The following RAB7A variants were observed in gnomAD, a reference collection of about 807,000 sequenced individuals.
The protein encoded by RAB7A is RAB7A, member RAS oncogene family, also known as ras-related protein Rab-7a.
In RAB7A, 2 loss-of-function variants were observed where a neutral mutation model predicts 24.5. That is an observed-to-expected ratio of 0.08 (90% confidence interval 0.03 to 0.26). The LOEUF is 0.26. Among genes scored for constraint, RAB7A ranks in the 10% least tolerant of loss-of-function variants. RAB7A has a pLI of 1.00. For missense variants in RAB7A, 118 were observed against 255.7 expected (o/e 0.46, Z 3.67); for synonymous variants, 100 against 95.9 (o/e 1.04, Z -0.25).
chr3:128,777,900 G>C (rs781538983), intron 1 of RAB7A, among the ~76,000 whole-genome samples: 6 of 152,152 alleles, frequency 3.9e-5, no homozygotes, highest in Non-Finnish European at 8.8e-5. Flanking sequence ...TTTTAGTAGA[G>C]ACAGGGTTTC....
intron 2 of RAB7A, among the ~76,000 whole-genome samples, chr3:128,796,967 G>A (rs2107611718): frequency 6.6e-6 from 1 of 152,246 alleles, no homozygotes; most frequent in East Asian, 1.9e-4. Context: ...CCCAGCCTTT[G>A]AAGAACCTTT....
chr3:128,804,862 TA>T (rs1559797047), intron 3 of RAB7A, among the ~76,000 whole-genome samples: 1 of 152,206 alleles, frequency 6.6e-6, no homozygotes, highest in African/African-American at 2.4e-5. Context: ...TTCTTAAAAA[TA>T]GGAATCGATG....
intron 1 of RAB7A, among the ~76,000 whole-genome samples, chr3:128,759,654 G>A (rs909775344): frequency 6.6e-6 from 1 of 152,024 alleles, no homozygotes; most frequent in Non-Finnish European, 1.5e-5. Context: ...ACACCCCATG[G>A]TACCTGAACC....
At chr3:128,788,722 C>CTGT (rs1933393045) in intron 1 of RAB7A, among the ~76,000 whole-genome samples, 1 of 152,196 alleles carries the variant, frequency 6.6e-6, no homozygotes, top group African/African-American at 2.4e-5. Context: ...CCCTTCCCTG[C>CTGT]TGTCCTCATT....
At chr3:128,809,113 C>T (rs749044988) in intron 5 of RAB7A, among the ~76,000 whole-genome samples, 6 of 152,208 alleles carry the variant, frequency 3.9e-5, no homozygotes, top group Admixed American at 6.5e-5. Context: ...GTGTTTCCCA[C>T]CTGTTCCCTG....
Position 128,795,355 on chromosome 3 carries a change from T to A in RAB7A, c.-8-5T>A, listed in dbSNP as rs1489604428. The A allele has an allele frequency of 6.2e-7, 1 of 1,610,210 alleles. No homozygotes were observed. The highest frequency in any genetic ancestry group is 1.3e-5 in the African/African-American group (1 of 74,838). ...TCACAGTGATTTCTCCTTTTCCCCCTTTAGTTTGAAGGATGACCTCTAGGA... is the reference window on the plus strand; with the variant it reads ...TCACAGTGATTTCTCCTTTTCCCCCATTAGTTTGAAGGATGACCTCTAGGA... On this transcript the variant is annotated splice_region_variant and splice_polypyrimidine_tract_variant and intron_variant, in intron 1 of 5. Coordinates refer to ENST00000265062, the MANE Select transcript of RAB7A (RefSeq NM_004637.6).
chr3:128,813,522 G>A lies in RAB7A; in HGVS notation c.*100G>A. The A allele has an allele frequency of 8.8e-7, 1 of 1,140,622 alleles. No homozygotes were observed. Among genetic ancestry groups the A allele is most frequent in the Non-Finnish European group, 1.3e-6 (1 of 760,644 alleles). The allele number at this position is 1,140,622 out of a possible 1,614,324, so 70.7% of individuals were successfully genotyped here. ...TCCTCTTCCAAACAAAACATACATT[G>A]ATCTCTCACATCCAGCTGCCAAAAG... On this transcript the variant is annotated 3_prime_UTR_variant, in exon 6 of 6. Transcript: ENST00000265062.
At chr3:128,756,374 AT>A (rs1463431350) in intron 1 of RAB7A, among the ~76,000 whole-genome samples, 6 of 152,110 alleles carry the variant, frequency 3.9e-5, no homozygotes, top group Non-Finnish European at 7.3e-5. Flanking sequence ...AAAAAAAAAA[AT>A]TAACAATGAA....
intron 1 of RAB7A, among the ~76,000 whole-genome samples, chr3:128,769,677 C>G (rs1365398920): frequency 6.6e-6 from 1 of 152,154 alleles, no homozygotes; most frequent in Non-Finnish European, 1.5e-5. Flanking sequence ...TTTTGATGTG[C>G]TATCTGTTAA....
intron 5 of RAB7A, among the ~76,000 whole-genome samples, chr3:128,812,975 C>T (rs567880823): frequency 6.6e-6 from 1 of 152,336 alleles, no homozygotes; most frequent in South Asian, 2.1e-4. Flanking sequence ...AGGGAACATA[C>T]AGAAAGCATC....
At chr3:128,727,063 T>A (rs1024554303) in intron 1 of RAB7A, among the ~76,000 whole-genome samples, 3 of 152,260 alleles carry the variant, frequency 2.0e-5, no homozygotes, top group Admixed American at 2.0e-4. Flanking sequence ...GTTTGGGGCC[T>A]CTTTCTGCAT....
chr3:128,761,614 C>T (rs771202924), intron 1 of RAB7A, among the ~76,000 whole-genome samples: 1 of 152,174 alleles, frequency 6.6e-6, no homozygotes, highest in Non-Finnish European at 1.5e-5. Flanking sequence ...TTGGCATGAC[C>T]TCTGAGTTAA....
intron 3 of RAB7A, chr3:128,798,359 T>C (rs1576300111): frequency 1.1e-5 from 4 of 362,012 alleles, no homozygotes; most frequent in Non-Finnish European, 2.1e-5. Flanking sequence ...TTTTGTTGTT[T>C]GCTAAATTTG....
intron 1 of RAB7A, among the ~76,000 whole-genome samples, chr3:128,754,281 G>A (rs909274106): frequency 6.6e-6 from 1 of 152,170 alleles, no homozygotes; most frequent in Non-Finnish European, 1.5e-5. Context: ...GCTGAAAGGT[G>A]ATGGGGTTGG....
chr3:128,747,084 A>T (rs2070624988), intron 1 of RAB7A, among the ~76,000 whole-genome samples: 1 of 151,358 alleles, frequency 6.6e-6, no homozygotes. Flanking sequence ...AAGGGCAAAG[A>T]TCACTGAGGC....
intron 1 of RAB7A, among the ~76,000 whole-genome samples, chr3:128,788,876 G>C (rs1223797472): frequency 6.6e-6 from 1 of 152,040 alleles, no homozygotes; most frequent in Non-Finnish European, 1.5e-5. Context: ...TCCTTATTTT[G>C]TCTGCTTATG....
intron 4 of RAB7A, 147 bp downstream of exon 4, chr3:128,806,737 G>T: frequency 1.2e-6 from 1 of 854,928 alleles, no homozygotes; most frequent in Non-Finnish European, 1.9e-6. Flanking sequence ...CAGGCCAACT[G>T]CCTTTAAGGA....
At chr3:128,732,763 G>A (rs149099966) in intron 1 of RAB7A, among the ~76,000 whole-genome samples, 96 of 152,202 alleles carry the variant, frequency 6.3e-4, no homozygotes, top group Non-Finnish European at 1.0e-3. Context: ...GGAGTTTAAG[G>A]CTGCAGTGGT....
At chr3:128,812,914 A>G (rs1933955707) in intron 5 of RAB7A, among the ~76,000 whole-genome samples, 1 of 152,180 alleles carries the variant, frequency 6.6e-6, no homozygotes, top group Non-Finnish European at 1.5e-5. Context: ...GGGTTGCCAG[A>G]TGTTTGAGAA....
Sources: allele counts gnomAD v4.1 joint callset (sites outside exome capture counted in the v4.1 genomes callset), GRCh38; gene constraint gnomAD v4.1.1; transcripts MANE v1.5; gene names NCBI Gene and HGNC (gene_info 2026-07-23, HGNC 2026-07-21).